The following KLRF1 variants were observed in gnomAD, a reference collection of about 807,000 sequenced individuals.
The protein encoded by KLRF1 is killer cell lectin like receptor F1.
KLRF1 carries 27 observed loss-of-function variants against 30.7 expected under a neutral mutation model. That is an observed-to-expected ratio of 0.88 (90% CI 0.65 to 1.21). KLRF1 has a LOEUF of 1.21. Ranked by LOEUF, KLRF1 falls within the 50% of genes most tolerant of loss-of-function variation. The pLI is 0.00. For synonymous variants in KLRF1, 92 were observed against 89.3 expected, an observed-to-expected ratio of 1.03 and a Z score of -0.17; for missense variants, 246 against 259.3, an observed-to-expected ratio of 0.95 and a Z score of 0.35.
At chr12:9,841,294 C>T (rs1867695796) in intron 3 of KLRF1, among the ~76,000 whole-genome samples, 1 of 151,958 alleles carries the variant, frequency 6.6e-6, no homozygotes, top group African/African-American at 2.4e-5. Context: ...GGAAAAAACA[C>T]ACACTGGGGC....
At chr12:9,834,350 T>C (rs894374944) in intron 3 of KLRF1, among the ~76,000 whole-genome samples, 2 of 152,058 alleles carry the variant, frequency 1.3e-5, no homozygotes, top group Non-Finnish European at 2.9e-5. Flanking sequence ...TCCTGCCTTC[T>C]TACAGTAATA....
At chr12:9,818,023 A>G in the KLRF1 span, 1 of 210,680 alleles carries the variant, frequency 4.7e-6, no homozygotes, top group East Asian at 1.2e-4. Context: ...CATTGTCATC[A>G]TCACCATCAC....
At chr12:9,824,647 T>A (rs1476121402), upstream of KLRF1, among the ~76,000 whole-genome samples, 1 of 152,106 alleles carries the variant, frequency 6.6e-6, no homozygotes, top group Non-Finnish European at 1.5e-5. Flanking sequence ...ATGAAGGGCA[T>A]CCAAATAGGA....
the KLRF1 span, among the ~76,000 whole-genome samples, chr12:9,808,183 A>G: frequency 6.6e-6 from 1 of 152,166 alleles, no homozygotes; most frequent in Admixed American, 6.5e-5. Flanking sequence ...AGTTTAATAC[A>G]TTTGACATAT....
chr12:9,825,079 T>C (rs114478076), upstream of KLRF1, among the ~76,000 whole-genome samples: 1,712 of 152,166 alleles, frequency 0.011, 33 homozygotes, highest in African/African-American at 0.039. Flanking sequence ...ATTCCTATCA[T>C]ACTACCAATG....
the KLRF1 span, among the ~76,000 whole-genome samples, chr12:9,805,805 A>T: frequency 6.6e-6 from 1 of 151,818 alleles, no homozygotes; most frequent in Non-Finnish European, 1.5e-5. Context: ...GTAATACTTG[A>T]TTGTTTGTAT....
the KLRF1 span, chr12:9,817,552 G>A: frequency 4.4e-5 from 15 of 344,096 alleles, no homozygotes; most frequent in Non-Finnish European, 6.5e-5. Context: ...GGGACTTTGC[G>A]CTTATGAGTC....
intron 3 of KLRF1, among the ~76,000 whole-genome samples, chr12:9,839,630 T>C (rs1014665302): frequency 2.6e-5 from 4 of 152,036 alleles, no homozygotes; most frequent in South Asian, 4.1e-4. Context: ...ATGTTTAATA[T>C]GATCATTCAT....
At chr12:9,820,896 GAGAACTTACACCCCCTA>G in the KLRF1 span, among the ~76,000 whole-genome samples, 1 of 152,128 alleles carries the variant, frequency 6.6e-6, no homozygotes, top group African/African-American at 2.4e-5. Flanking sequence ...CCTTTTCCCT[GAGAACTTACACCCCCTA>G]ACTCTTCACC....
chr12:9,825,250 A>T (rs961802004), upstream of KLRF1, among the ~76,000 whole-genome samples: 4 of 113,072 alleles, frequency 3.5e-5, no homozygotes, highest in Non-Finnish European at 7.4e-5. Flanking sequence ...CCAAAATAAC[A>T]AGGTACTGGT....
chr12:9,815,401 T>C, the KLRF1 span, among the ~76,000 whole-genome samples: 7 of 152,260 alleles, frequency 4.6e-5, no homozygotes, highest in Non-Finnish European at 1.0e-4. Flanking sequence ...ACAAGAGGAC[T>C]CTGGGATAGG....
the KLRF1 span, among the ~76,000 whole-genome samples, chr12:9,816,401 A>G: frequency 6.6e-6 from 1 of 152,208 alleles, no homozygotes; most frequent in Non-Finnish European, 1.5e-5. Context: ...CAGAGACAGC[A>G]ACATATATTG....
At chr12:9,815,474 T>C in the KLRF1 span, among the ~76,000 whole-genome samples, 1 of 152,218 alleles carries the variant, frequency 6.6e-6, no homozygotes, top group South Asian at 2.1e-4. Flanking sequence ...ATTTTTTGTG[T>C]GGTTGAGGTC....
At chr12:9,838,348 T>TG (rs1013244430) in intron 3 of KLRF1, among the ~76,000 whole-genome samples, 24 of 152,164 alleles carry the variant, frequency 1.6e-4, no homozygotes, top group East Asian at 3.9e-4. Flanking sequence ...GTGATTTTTC[T>TG]GGGGGGGTGA....
the KLRF1 span, among the ~76,000 whole-genome samples, chr12:9,813,362 G>C: frequency 6.6e-6 from 1 of 151,906 alleles, no homozygotes; most frequent in East Asian, 1.9e-4. Context: ...GCTGGAGTGC[G>C]GTGGTATGAT....
upstream of KLRF1, among the ~76,000 whole-genome samples, chr12:9,823,399 A>C (rs1867248505): frequency 6.6e-6 from 1 of 152,216 alleles, no homozygotes; most frequent in Non-Finnish European, 1.5e-5. Context: ...GGGGATAAAT[A>C]ATGAAATTAA....
At chr12:9,825,747 A>G (rs1867273867), upstream of KLRF1, among the ~76,000 whole-genome samples, 1 of 152,236 alleles carries the variant, frequency 6.6e-6, no homozygotes, top group Non-Finnish European at 1.5e-5. Context: ...ACAGAATGGG[A>G]GAAAATTTTT....
chr12:9,815,844 G>C, the KLRF1 span, among the ~76,000 whole-genome samples: 3 of 152,144 alleles, frequency 2.0e-5, no homozygotes, highest in South Asian at 2.1e-4. Flanking sequence ...TTGAGATGGA[G>C]TTTCACTCTT....
the KLRF1 span, among the ~76,000 whole-genome samples, chr12:9,815,975 C>T: frequency 6.6e-6 from 1 of 152,184 alleles, no homozygotes; most frequent in Non-Finnish European, 1.5e-5. Flanking sequence ...CACGCCACCA[C>T]GCCTAGCTGA....
Sources: allele counts gnomAD v4.1 joint callset (sites outside exome capture counted in the v4.1 genomes callset), GRCh38; gene constraint gnomAD v4.1.1; transcripts MANE v1.5; gene names NCBI Gene and HGNC (gene_info 2026-07-23, HGNC 2026-07-21).